Variants in ATOSA observed in about 807,000 individuals in gnomAD.
ATOSA encodes atos homolog A.
chr15:52,681,369 A>G, the ATOSA span, among the ~76,000 whole-genome samples: 4 of 152,220 alleles, frequency 2.6e-5, no homozygotes, highest in Non-Finnish European at 5.9e-5. Flanking sequence ...TAGGGTCACT[A>G]CTTTCAAGGA....
At chr15:52,613,857 T>G in the ATOSA span, 1 of 1,612,832 alleles carries the variant, frequency 6.2e-7, no homozygotes, top group Non-Finnish European at 8.5e-7. Context: ...ATCCAGAGTA[T>G]CTGATATAAA....
the ATOSA span, among the ~76,000 whole-genome samples, chr15:52,627,954 A>G: frequency 1.3e-5 from 2 of 152,158 alleles, no homozygotes; most frequent in African/African-American, 4.8e-5. Context: ...ATCACACTAA[A>G]TCTCACAGAA....
At chr15:52,586,605 T>G in the ATOSA span, 3 of 152,710 alleles carry the variant, frequency 2.0e-5, no homozygotes, top group African/African-American at 7.2e-5. Flanking sequence ...CCAGGGATGA[T>G]GAAGGACTGT....
At chr15:52,584,707 T>C in the ATOSA span, 2 of 1,565,738 alleles carry the variant, frequency 1.3e-6, no homozygotes, top group South Asian at 1.2e-5. Context: ...TTTAGAGTTG[T>C]TCTAAAGTAA....
At chr15:52,587,199 G>A in the ATOSA span, 1 of 1,612,824 alleles carries the variant, frequency 6.2e-7, no homozygotes, top group Non-Finnish European at 8.5e-7. Context: ...TTTTACCAAG[G>A]GACTCTAAAG....
At chr15:52,609,803 G>C in the ATOSA span, 1 of 1,613,258 alleles carries the variant, frequency 6.2e-7, no homozygotes, top group Admixed American at 1.7e-5. Flanking sequence ...ATGATTTCTT[G>C]CCGCTCCTGA....
At chr15:52,663,350 T>C in the ATOSA span, among the ~76,000 whole-genome samples, 2 of 152,264 alleles carry the variant, frequency 1.3e-5, no homozygotes, top group Non-Finnish European at 2.9e-5. Context: ...ACATTACTTT[T>C]ACCATTCATT....
At chr15:52,602,175 T>C in the ATOSA span, among the ~76,000 whole-genome samples, 1 of 152,206 alleles carries the variant, frequency 6.6e-6, no homozygotes, top group Admixed American at 6.5e-5. Context: ...TCACAAAATC[T>C]CTATTGAGCC....
At chr15:52,645,141 G>C in the ATOSA span, among the ~76,000 whole-genome samples, 1 of 152,142 alleles carries the variant, frequency 6.6e-6, no homozygotes, top group Non-Finnish European at 1.5e-5. Flanking sequence ...CTAATTCATG[G>C]TAATGTGATA....
At chr15:52,627,925 A>G in the ATOSA span, among the ~76,000 whole-genome samples, 415 of 152,244 alleles carry the variant, frequency 2.7e-3, no homozygotes, top group African/African-American at 9.7e-3. Context: ...ATCTAATGTA[A>G]TTTTGAGAGG....
chr15:52,608,495 G>C, the ATOSA span: 81 of 1,453,634 alleles, frequency 5.6e-5, no homozygotes, highest in African/African-American at 7.0e-4. Context: ...TTTATAACCA[G>C]ATCTCCTGTG....
At chr15:52,590,390 T>C in the ATOSA span, among the ~76,000 whole-genome samples, 2 of 152,182 alleles carry the variant, frequency 1.3e-5, no homozygotes, top group South Asian at 4.1e-4. Flanking sequence ...GAGAACATTT[T>C]TACCACTGAC....
At chr15:52,610,033 G>C in the ATOSA span, 4 of 1,613,936 alleles carry the variant, frequency 2.5e-6, no homozygotes, top group Non-Finnish European at 3.4e-6. Flanking sequence ...ATTTTTGACA[G>C]CTGCAGTATA....
chr15:52,668,781 T>C, the ATOSA span, among the ~76,000 whole-genome samples: 10 of 152,150 alleles, frequency 6.6e-5, no homozygotes, highest in Non-Finnish European at 1.5e-5. Context: ...CATGTCTATC[T>C]AGCCCACCCA....
At chr15:52,692,312 A>G in the ATOSA span, among the ~76,000 whole-genome samples, 1 of 152,242 alleles carries the variant, frequency 6.6e-6, no homozygotes, top group African/African-American at 2.4e-5. Context: ...TCTACACTTG[A>G]CAAAATTTAA....
chr15:52,609,344 A>G, the ATOSA span: 1 of 1,613,986 alleles, frequency 6.2e-7, no homozygotes, highest in Non-Finnish European at 8.5e-7. Flanking sequence ...TCTTCATATG[A>G]ACTCCTAAAC....
At chr15:52,655,394 G>A in the ATOSA span, among the ~76,000 whole-genome samples, 1 of 152,072 alleles carries the variant, frequency 6.6e-6, no homozygotes, top group Non-Finnish European at 1.5e-5. Flanking sequence ...TGTAGCTGTA[G>A]TGTGATCACA....
chr15:52,586,813 G>C, the ATOSA span: 3 of 173,298 alleles, frequency 1.7e-5, no homozygotes, highest in East Asian at 4.6e-4. Context: ...TAATATTTGG[G>C]GTCTCCTTTT....
At chr15:52,680,974 G>C in the ATOSA span, among the ~76,000 whole-genome samples, 16,704 of 152,162 alleles carry the variant, frequency 0.11, 1,644 homozygotes, top group East Asian at 0.26. Flanking sequence ...ATTGTAAAAG[G>C]CTTACTGGGT....
Sources: gnomAD v4.1 joint callset for allele counts (sites outside exome capture counted in the v4.1 genomes callset) on GRCh38, gnomAD v4.1.1 for gene constraint, MANE v1.5 for transcripts, NCBI Gene and HGNC (gene_info 2026-07-23, HGNC 2026-07-21) for gene names.